The following CCR8 variants were observed in gnomAD, a reference collection of about 807,000 sequenced individuals.
CCR8 encodes C-C chemokine receptor type 8.
For missense variants in CCR8, 358 were observed against 417.5 expected (o/e 0.86, Z 1.24); for synonymous variants, 156 against 165.7 (o/e 0.94, Z 0.45).
intron 1 of CCR8, among the ~76,000 whole-genome samples, 162 bp downstream of exon 1, chr3:39,329,991 G>C (rs960496849): frequency 5.3e-5 from 8 of 152,160 alleles, no homozygotes; most frequent in African/African-American, 1.9e-4. Flanking sequence ...CCACAAACAT[G>C]CATGTGTCTT....
At position 39,332,493 on chromosome 3, in the gene CCR8, C is replaced by T; in HGVS notation, c.162C>T (p.Ser54=). ...LLFVFSLLGN[S]LVILVLVVCK... ...TTGTATTCAGTCTTCTGGGAAACAG[C>T]CTGGTCATCCTGGTCCTTGTGGTCT... Residue 54 remains serine (S), a synonymous_variant, in exon 2 of 2, where the codon AGC becomes AGT. Transcript: ENST00000326306. 1.2e-6 allele frequency: 2 copies of T among 1,614,148 alleles called. No individual in the cohort carries two copies. The highest frequency in any genetic ancestry group is 1.7e-6 in the Non-Finnish European group (2 of 1,180,028).
chr3:39,332,987 T>C lies in CCR8; in HGVS notation c.656T>C (p.Ile219Thr), dbSNP rs2041268820. The change falls in exon 2 of 2, where the codon ATT (isoleucine) becomes ACT (threonine). Residue 219 changes from isoleucine to threonine, a missense_variant. Physicochemically the swap from Ile to Thr is moderately conservative, Grantham distance 89 (BLOSUM62 -1). Coordinates refer to ENST00000326306, the MANE Select transcript of CCR8 (RefSeq NM_005201.4). ...IPFTIFMFCY[I>T]KILHQLKRCQ... ...TTCACCATCTTTATGTTCTGCTACATTAAAATCCTGCACCAGCTGAAGAGG... is the reference window on the plus strand; with the variant it reads ...TTCACCATCTTTATGTTCTGCTACACTAAAATCCTGCACCAGCTGAAGAGG... 6.2e-7 allele frequency: 1 copy of C among 1,614,090 alleles called. No individual in the cohort carries two copies. The highest frequency in any genetic ancestry group is 1.3e-5 in the African/African-American group (1 of 74,938).
At chr3:39,330,143 G>C (rs956521385) in intron 1 of CCR8, among the ~76,000 whole-genome samples, 6 of 152,168 alleles carry the variant, frequency 3.9e-5, no homozygotes, top group Non-Finnish European at 5.9e-5. Flanking sequence ...GGGAAGATCT[G>C]TCCTTGTGCT....
rs756850499 is a variant in CCR8 at position 39,333,118 on chromosome 3, T to A, written c.787T>A (p.Leu263Met). The A allele has an allele frequency of 6.2e-7, 1 of 1,614,142 alleles. No individual in the cohort carries two copies. The highest frequency in any genetic ancestry group is 2.2e-5 in the East Asian group (1 of 44,870). Residue 263 changes from leucine (L) to methionine (M), a missense_variant, in exon 2 of 2, where the codon TTG becomes ATG. Leu to Met is a conservative substitution (Grantham distance 15, BLOSUM62 2). Coordinates refer to ENST00000326306, the MANE Select transcript of CCR8 (RefSeq NM_005201.4). ...PFNVVLFLTSLHSMHILDGCS... is the reference protein window; with the variant it reads ...PFNVVLFLTSMHSMHILDGCS... ...CAACGTGGTTCTTTTCCTCACTTCC[T>A]TGCACAGTATGCACATCTTGGATGG...
intron 1 of CCR8, among the ~76,000 whole-genome samples, chr3:39,331,331 T>G (rs141457765): frequency 2.0e-5 from 3 of 152,352 alleles, no homozygotes; most frequent in Admixed American, 2.0e-4. Flanking sequence ...CCTGGCTTGC[T>G]GATTTCAGCC....
At position 39,331,993 on chromosome 3, in the gene CCR8, G is replaced by A. The variant is rs553741997; in HGVS notation, c.-14-325G>A. ...CACCCGCCATGCCCGGCTAATTTTTGTATTTTTAGTAGAGACGGGGTTTCG... is the reference window on the plus strand; with the variant it reads ...CACCCGCCATGCCCGGCTAATTTTTATATTTTTAGTAGAGACGGGGTTTCG... On this transcript the variant is annotated intron_variant, in intron 1 of 1. Transcript: ENST00000326306. 4.6e-5 allele frequency among the ~76,000 whole-genome samples: 7 copies of A among 151,388 alleles called. No individual in the cohort carries two copies. In the East Asian group the frequency reaches 1.4e-3, roughly 30 times the overall value.
At chr3:39,331,723 C>T (rs1034969534) in intron 1 of CCR8, among the ~76,000 whole-genome samples, 2 of 150,496 alleles carry the variant, frequency 1.3e-5, no homozygotes, top group African/African-American at 4.9e-5. Context: ...CTACCTTGGC[C>T]TCCCAAAGTG....
Position 39,333,173 on chromosome 3 carries a change from C to A in CCR8, c.842C>A (p.Ala281Asp). 1 of 1,614,050 alleles carries A rather than the reference C, an allele frequency of 6.2e-7. No homozygotes were observed. Among genetic ancestry groups the A allele is most frequent in the African/African-American group, 1.3e-5 (1 of 75,012 alleles). ...GCSISQQLTY[A>D]THVTEIISFT... is the part of the protein sequence containing the mutation. ...AGCATAAGCCAACAGCTGACTTATG[C>A]CACCCATGTCACAGAAATCATTTCC... The change falls in exon 2 of 2, where the codon GCC becomes GAC. Residue 281 changes from alanine (A) to aspartate (D), a missense_variant. Coordinates refer to ENST00000326306, the MANE Select transcript of CCR8 (RefSeq NM_005201.4).
intron 1 of CCR8, among the ~76,000 whole-genome samples, chr3:39,331,134 A>G (rs1238339007): frequency 6.6e-6 from 1 of 152,178 alleles, no homozygotes; most frequent in Non-Finnish European, 1.5e-5. Context: ...TGATGGAACT[A>G]TGGGTATTTA....
intron 1 of CCR8, among the ~76,000 whole-genome samples, chr3:39,330,374 A>G (rs2041246842): frequency 1.3e-5 from 2 of 152,192 alleles, no homozygotes; most frequent in Admixed American, 6.5e-5. Flanking sequence ...CTTGGGCAAC[A>G]TAGTGAGACC....
In CCR8 at chr3:39,333,430, T is replaced by G; in HGVS notation, c.*31T>G. 1 of 1,538,526 alleles carries G rather than the reference T, an allele frequency of 6.5e-7. No individual in the cohort carries two copies. Among genetic ancestry groups the G allele is most frequent in the Non-Finnish European group, 8.8e-7 (1 of 1,131,760 alleles). ...AATGAAGACTAAATATAAAAAACATTTTCTTGAATGGCATGCTAGTAGCAG... is the reference window on the plus strand; with the variant it reads ...AATGAAGACTAAATATAAAAAACATGTTCTTGAATGGCATGCTAGTAGCAG... On this transcript the variant is annotated 3_prime_UTR_variant, in exon 2 of 2. Transcript: ENST00000326306.
Position 39,332,573 on chromosome 3 carries a change from A to G in CCR8, c.242A>G (p.Asp81Gly), listed in dbSNP as rs749639942. 6.2e-7 allele frequency: 1 copy of G among 1,613,958 alleles called. No homozygotes were observed. The highest frequency in any genetic ancestry group is 1.3e-5 in the African/African-American group (1 of 74,878). Reference protein sequence around the residue: ...DVYLLNLALSDLLFVFSFPFQ... With the variant: ...DVYLLNLALSGLLFVFSFPFQ... The stretch of plus-strand genomic sequence containing the variant: ...TACCTCTTGAACCTGGCCCTGTCTG[A>G]CCTGCTTTTTGTCTTCTCCTTCCCC... Residue 81 changes from aspartate to glycine, a missense_variant, in exon 2 of 2, where the codon GAC becomes GGC. Asp to Gly is a moderately conservative substitution (Grantham distance 94, BLOSUM62 -1). Transcript: ENST00000326306.
chr3:39,333,084 G>A lies in CCR8; in HGVS notation c.753G>A (p.Trp251Ter), dbSNP rs767825087. Residue 251 changes from tryptophan (W) to a stop codon, truncating the protein, a stop_gained, in exon 2 of 2, where the codon TGG becomes TGA. Transcript: ENST00000326306. LOFTEE classifies it low-confidence loss of function (END_TRUNC). ...LIVVIASLLF[W>*]VPFNVVLFLT... Reference sequence around the variant, plus strand: ...TGGTCATTGCATCTTTACTTTTCTGGGTCCCATTCAACGTGGTTCTTTTCC... The same window carrying A: ...TGGTCATTGCATCTTTACTTTTCTGAGTCCCATTCAACGTGGTTCTTTTCC... The A allele has an allele frequency of 6.2e-7, 1 of 1,614,010 alleles. No individual in the cohort carries two copies. The highest frequency in any genetic ancestry group is 2.2e-5 in the East Asian group (1 of 44,848).
chr3:39,332,357 T>G lies in CCR8; in HGVS notation c.26T>G (p.Val9Gly). Residue 9 changes from valine (V) to glycine (G), a missense_variant, in exon 2 of 2, where the codon GTG (valine) becomes GGG (glycine). By Grantham distance (109) the Val-to-Gly change is moderately radical (BLOSUM62 -3). Transcript: ENST00000326306. MDYTLDLS[V>G]TTVTDYYYPD... The stretch of plus-strand genomic sequence containing the variant: ...ATGGATTATACACTTGACCTCAGTG[T>G]GACAACAGTGACCGACTACTACTAC... 1 of 1,613,896 alleles carries G rather than the reference T, an allele frequency of 6.2e-7. No homozygotes were observed. The highest frequency in any genetic ancestry group is 8.5e-7 in the Non-Finnish European group (1 of 1,179,792).
chr3:39,331,591 C>T (rs1181726930), intron 1 of CCR8, among the ~76,000 whole-genome samples: 7 of 151,750 alleles, frequency 4.6e-5, no homozygotes, highest in Non-Finnish European at 7.4e-5. Context: ...CTCAGCCTCC[C>T]GAGGTAGCTT....
intron 1 of CCR8, among the ~76,000 whole-genome samples, chr3:39,330,684 G>A (rs2041248868): frequency 1.3e-5 from 2 of 151,554 alleles, no homozygotes; most frequent in South Asian, 4.2e-4. Flanking sequence ...TTTTTTTTCT[G>A]GTGCTTAGGA....
At chr3:39,331,773 C>T (rs1238507553) in intron 1 of CCR8, among the ~76,000 whole-genome samples, 1 of 146,476 alleles carries the variant, frequency 6.8e-6, no homozygotes, top group Non-Finnish European at 1.5e-5. Context: ...AGCCAGGGCC[C>T]TGCCTTTATA....
In CCR8 at chr3:39,332,846, A is replaced by G. The variant is rs747515570; in HGVS notation, c.515A>G (p.Tyr172Cys). Reference protein sequence around the residue: ...IMATIPLLVFYQVASEDGVLQ... With the variant: ...IMATIPLLVFCQVASEDGVLQ... ...GCTACCATCCCATTGCTAGTGTTTT[A>G]CCAAGTGGCCTCTGAAGATGGTGTT... Residue 172 changes from tyrosine to cysteine, a missense_variant, in exon 2 of 2, where the codon TAC becomes TGC. Physicochemically the swap from Tyr to Cys is radical, Grantham distance 194 (BLOSUM62 -2). Coordinates refer to ENST00000326306, the MANE Select transcript of CCR8 (RefSeq NM_005201.4). The G allele has an allele frequency of 1.2e-6, 2 of 1,614,058 alleles. No individual in the cohort carries two copies. The highest frequency in any genetic ancestry group is 2.7e-5 in the African/African-American group (2 of 74,910).
At chr3:39,332,238 A>T in intron 1 of CCR8, 80 bp from the exon 2 acceptor site, 1 of 800,362 alleles carries the variant, frequency 1.2e-6, no homozygotes, top group Non-Finnish European at 2.0e-6. Context: ...GACACAGTTC[A>T]GTCCATAACA....
Sources: gnomAD v4.1 joint callset for allele counts (sites outside exome capture counted in the v4.1 genomes callset) on GRCh38, gnomAD v4.1.1 for gene constraint, MANE v1.5 for transcripts, NCBI Gene and HGNC (gene_info 2026-07-23, HGNC 2026-07-21) for gene names.